RGS12: variants seen among roughly 807,000 people sequenced by gnomAD.
RGS12 encodes the protein regulator of G-protein signaling 12.
A neutral mutation model predicts 120.1 loss-of-function variants in RGS12; 66 were observed. The observed-to-expected ratio is 0.55, with a 90% CI of 0.45 to 0.67. The LOEUF is 0.67. RGS12 is among the 30% of genes least tolerant of loss of function. RGS12 has a pLI of 0.00. For missense variants in RGS12, 1,859 were observed against 1,957.7 expected (o/e 0.95, Z 0.95); for synonymous variants, 827 against 804.7 (o/e 1.03, Z -0.47).
At chr4:3,357,212 T>A (rs949652658) in intron 3 of RGS12, among the ~76,000 whole-genome samples, 1 of 152,170 alleles carries the variant, frequency 6.6e-6, no homozygotes, top group Admixed American at 6.5e-5. Context: ...CCTTTGCCCA[T>A]TTTTTAATTG....
intron 5 of RGS12, 62 bp from the exon 6 acceptor site, chr4:3,414,690 G>C (rs1008918287): frequency 1.7e-6 from 2 of 1,199,700 alleles, no homozygotes; most frequent in Non-Finnish European, 2.5e-6. Flanking sequence ...CTGTAGAAGG[G>C]GAAGTAGGAA....
chr4:3,365,192 G>A lies in RGS12; in HGVS notation c.1999-21224G>A, dbSNP rs776468587. Among the ~76,000 whole-genome samples, 4 of 152,172 alleles carry A rather than the reference G, an allele frequency of 2.6e-5. No homozygotes were observed. Among genetic ancestry groups the A allele is most frequent in the Non-Finnish European group, 4.4e-5 (3 of 68,026 alleles). ...TGTTCAGGGCCAGGGATGGCAGACCGCAGTCCCCGGCCAGATCCACTGCCT... is the reference window on the plus strand; with the variant it reads ...TGTTCAGGGCCAGGGATGGCAGACCACAGTCCCCGGCCAGATCCACTGCCT... On this transcript the variant is annotated intron_variant, in intron 3 of 17. Coordinates refer to ENST00000336727, the MANE Select transcript of RGS12 (RefSeq NM_001394154.1). This position sits in a 1 kb window ranked among gnomAD's most constrained non-coding sequence, Gnocchi z 4.0.
At chr4:3,297,982 A>C (rs535382782) in intron 1 of RGS12, among the ~76,000 whole-genome samples, 46 of 152,282 alleles carry the variant, frequency 3.0e-4, no homozygotes, top group Admixed American at 2.6e-3. Flanking sequence ...GCTGGGTATA[A>C]AATTTTAGAC....
At chr4:3,287,327 A>G in the RGS12 span, among the ~76,000 whole-genome samples, 4 of 151,926 alleles carry the variant, frequency 2.6e-5, no homozygotes, top group African/African-American at 9.7e-5. Flanking sequence ...CTAAACATAC[A>G]TTTTCTCAAG....
chr4:3,307,198 C>T (rs574605845), intron 1 of RGS12, among the ~76,000 whole-genome samples: 6 of 152,160 alleles, frequency 3.9e-5, no homozygotes, highest in East Asian at 1.9e-4. Flanking sequence ...CCTTTGCCGA[C>T]GTGTTGCCGC....
At chr4:3,435,166 G>T (rs1724686629) in intron 17 of RGS12, among the ~76,000 whole-genome samples, 1 of 152,124 alleles carries the variant, frequency 6.6e-6, no homozygotes, top group African/African-American at 2.4e-5. Flanking sequence ...TGCCCTCAGG[G>T]CCCCCGGAGC....
rs528718265 is a variant in RGS12 at position 3,431,643 on chromosome 4, C to T, written c.4114+688C>T. ...GAGCCACAAATACCAGAAACTGAGG[C>T]GAGGCTCCCAGCAGCCGGTAGGGAA... On this transcript the variant is annotated intron_variant, in intron 17 of 17. Coordinates refer to ENST00000336727, the MANE Select transcript of RGS12 (RefSeq NM_001394154.1). 14 of 985,600 alleles carry T rather than the reference C, an allele frequency of 1.4e-5. 1 individual carries two copies. The highest frequency in any genetic ancestry group is 7.0e-5 in the African/African-American group (4 of 57,372). The allele number at this position is 985,600 out of a possible 1,614,324, so 61.1% of individuals were successfully genotyped here. A position where few individuals can be genotyped will look rare whatever the true frequency, so the allele number is the denominator to read the frequency against.
rs116335637 is a variant in RGS12 at position 3,358,442 on chromosome 4, A to G, written c.1998+15389A>G. The stretch of plus-strand genomic sequence containing the variant: ...AGATGAAAAGCTTTGTCATTCTCCA[A>G]TGGAGATGATGTTTGTTGTTAATTT... On this transcript the variant is annotated intron_variant, in intron 3 of 17. Transcript: ENST00000336727. 1.8e-3 allele frequency among the ~76,000 whole-genome samples: 268 copies of G among 152,250 alleles called. 1 individual carries two copies. Among genetic ancestry groups the G allele is most frequent in the African/African-American group, 6.2e-3 (256 of 41,548 alleles).
In RGS12 at chr4:3,317,007, C is replaced by T; in HGVS notation, c.837C>T (p.Asp279=). Residue 279 remains aspartate (D), a synonymous_variant, in exon 2 of 18, where the codon GAC becomes GAT. Coordinates refer to ENST00000336727, the MANE Select transcript of RGS12 (RefSeq NM_001394154.1). ...HSLVTMKIMH[D]CVQLSTDKAG... is the part of the protein sequence containing the mutation. ...TGGTGACCATGAAGATCATGCACGA[C>T]TGTGTGCAGCTGAGCACTGACAAGG... 6.2e-7 allele frequency: 1 copy of T among 1,613,760 alleles called. No homozygotes were observed. The highest frequency in any genetic ancestry group is 8.5e-7 in the Non-Finnish European group (1 of 1,180,000).
intron 17 of RGS12, 132 bp from the exon 18 acceptor site, chr4:3,439,323 T>C (rs1221747294): frequency 1.1e-6 from 1 of 913,052 alleles, no homozygotes; most frequent in Non-Finnish European, 1.7e-6. Context: ...GCCAGCTGCC[T>C]CTGGGATGTG....
chr4:3,392,066 T>C (rs6813197), intron 4 of RGS12, among the ~76,000 whole-genome samples: 1,601 of 152,262 alleles, frequency 0.011, 33 homozygotes, highest in African/African-American at 0.036. Flanking sequence ...AAGCATTATG[T>C]AGATTGGATT....
At chr4:3,296,594 T>G (rs747240299) in intron 1 of RGS12, among the ~76,000 whole-genome samples, 23 of 152,212 alleles carry the variant, frequency 1.5e-4, no homozygotes, top group Non-Finnish European at 3.1e-4. Context: ...GCTTTCACAG[T>G]CCCAGGGATT....
At chr4:3,393,630 A>G (rs925218859) in intron 4 of RGS12, among the ~76,000 whole-genome samples, 6 of 151,952 alleles carry the variant, frequency 3.9e-5, no homozygotes, top group Non-Finnish European at 7.4e-5. Flanking sequence ...CAATTTTGGG[A>G]ACTGTTGCTT....
intron 3 of RGS12, among the ~76,000 whole-genome samples, chr4:3,355,847 A>G (rs778350078): frequency 2.0e-4 from 30 of 151,152 alleles, no homozygotes; most frequent in Non-Finnish European, 3.1e-4. Flanking sequence ...ATTCCAAAGT[A>G]TCTGTAGATC....
At chr4:3,430,113 G>A (rs923259986) in intron 16 of RGS12, among the ~76,000 whole-genome samples, 17 of 152,336 alleles carry the variant, frequency 1.1e-4, no homozygotes, top group South Asian at 2.1e-4. Context: ...GCATCAGCGC[G>A]TAACCGTGTT....
At chr4:3,346,047 G>A (rs1202689150) in intron 3 of RGS12, among the ~76,000 whole-genome samples, 1 of 152,094 alleles carries the variant, frequency 6.6e-6, no homozygotes, top group Non-Finnish European at 1.5e-5. Context: ...GCCCCGACCT[G>A]TTTTCTTATT....
At chr4:3,295,077 C>T (rs112972950) in intron 1 of RGS12, among the ~76,000 whole-genome samples, 1,577 of 152,014 alleles carry the variant, frequency 0.01, 22 homozygotes, top group Middle Eastern at 0.034. Flanking sequence ...ATGAGGGTCT[C>T]GGGGAAGAAG....
rs527887981 is a variant in RGS12 at position 3,377,124 on chromosome 4, G to T, written c.1999-9292G>T. 1.1e-4 allele frequency among the ~76,000 whole-genome samples: 17 copies of T among 152,076 alleles called. No homozygotes were observed. In the South Asian group the frequency reaches 2.9e-3, roughly 26 times the overall value. On this transcript the variant is annotated intron_variant, in intron 3 of 17. Coordinates refer to ENST00000336727, the MANE Select transcript of RGS12 (RefSeq NM_001394154.1). ...TTTTCTTCCAGCAGGAAGGGACTGG[G>T]TCCCTCTGTGCAGGAGCCATCAGAG...
intron 1 of RGS12, among the ~76,000 whole-genome samples, chr4:3,301,033 C>T (rs1389570204): frequency 1.3e-5 from 2 of 152,118 alleles, no homozygotes; most frequent in East Asian, 1.9e-4. Flanking sequence ...TCCCCGGCTG[C>T]CCTCCTCTGT....
Sources: gnomAD v4.1 joint callset for allele counts (sites outside exome capture counted in the v4.1 genomes callset) on GRCh38, gnomAD v4.1.1 for gene constraint, Gnocchi (gnomAD v3.1) non-coding constraint, MANE v1.5 for transcripts, NCBI Gene and HGNC (gene_info 2026-07-23, HGNC 2026-07-21) for gene names.